NPL: variants seen among roughly 807,000 people sequenced by gnomAD.
The protein encoded by NPL is N-acetylneuraminate lyase.
In NPL, 32 loss-of-function variants were observed where a neutral mutation model predicts 41.1. The ratio of observed to expected loss-of-function variants is 0.78; its 90% CI spans 0.59 to 1.05. The LOEUF (loss-of-function observed/expected upper bound fraction) is 1.05. Ranked by LOEUF, NPL falls within the 50% of genes least tolerant of loss-of-function variation. The pLI is 0.00. For synonymous variants in NPL, 128 were observed against 134.9 expected, an observed-to-expected ratio of 0.95 and a Z score of 0.35; for missense variants, 321 against 378.4, an observed-to-expected ratio of 0.85 and a Z score of 1.26.
intron 11 of NPL, among the ~76,000 whole-genome samples, chr1:182,824,368 G>A (rs1210614592): frequency 2.0e-5 from 3 of 152,188 alleles, no homozygotes; most frequent in Non-Finnish European, 4.4e-5. Flanking sequence ...ATATATGTTT[G>A]TAAGTCTCTG....
chr1:182,807,149 A>C (rs545970816), intron 5 of NPL, among the ~76,000 whole-genome samples: 53 of 151,984 alleles, frequency 3.5e-4, no homozygotes, highest in Non-Finnish European at 4.9e-4. Flanking sequence ...ACTAAGTTTT[A>C]TTGATTTGTC....
At chr1:182,801,778 A>C (rs1266157020) in intron 3 of NPL, among the ~76,000 whole-genome samples, 1 of 152,152 alleles carries the variant, frequency 6.6e-6, no homozygotes, top group Non-Finnish European at 1.5e-5. Flanking sequence ...CAAGGCTTGC[A>C]GTGAGCCACG....
intron 5 of NPL, chr1:182,809,085 T>C (rs1211846484): frequency 1.4e-5 from 4 of 279,532 alleles, no homozygotes; most frequent in Non-Finnish European, 2.9e-5. Flanking sequence ...TCCTGATGGA[T>C]TGATCAGAAA....
chr1:182,806,418 GA>G, intron 5 of NPL, 186 bp downstream of exon 5: 1 of 1,538,948 alleles, frequency 6.5e-7, no homozygotes, highest in Non-Finnish European at 8.7e-7. Flanking sequence ...TTTCTGTGCA[GA>G]AGGGCAGCCA....
At chr1:182,808,939 G>A (rs1667098581) in intron 5 of NPL, among the ~76,000 whole-genome samples, 1 of 143,876 alleles carries the variant, frequency 7.0e-6, no homozygotes, top group Admixed American at 7.0e-5. Context: ...CAGCCTGGGT[G>A]AAAGAGCAAA....
At chr1:182,801,113 T>C (rs1666835205) in intron 3 of NPL, among the ~76,000 whole-genome samples, 1 of 152,166 alleles carries the variant, frequency 6.6e-6, no homozygotes, top group Non-Finnish European at 1.5e-5. Context: ...GTCAAACATA[T>C]TTAGAGTTAG....
chr1:182,807,767 T>C (rs1475769748), intron 5 of NPL, among the ~76,000 whole-genome samples: 2 of 149,382 alleles, frequency 1.3e-5, no homozygotes, highest in African/African-American at 4.9e-5. Context: ...GGCGGGCTCC[T>C]GTAGTCCCAG....
intron 3 of NPL, among the ~76,000 whole-genome samples, chr1:182,800,754 G>A (rs1039113460): frequency 1.7e-5 from 2 of 121,072 alleles, no homozygotes; most frequent in African/African-American, 3.3e-5. Flanking sequence ...TTTTGAGACC[G>A]AGTCTCGCTC....
chr1:182,813,178 A>T (rs982618512), intron 6 of NPL, among the ~76,000 whole-genome samples: 12 of 151,248 alleles, frequency 7.9e-5, no homozygotes, highest in Admixed American at 7.2e-4. Flanking sequence ...AAGCACAAAG[A>T]TGTTTAAAAT....
intron 7 of NPL, among the ~76,000 whole-genome samples, chr1:182,815,815 C>T (rs1020618954): frequency 6.6e-6 from 1 of 152,094 alleles, no homozygotes; most frequent in Admixed American, 6.5e-5. Context: ...GTATGTTGCC[C>T]AGGATGATCT....
At chr1:182,825,970 C>T in intron 12 of NPL, 150 bp downstream of exon 12, 1 of 741,646 alleles carries the variant, frequency 1.3e-6, no homozygotes, top group Non-Finnish European at 2.4e-6. Context: ...TCGGGGCCAA[C>T]CATATAAAAC....
In NPL at chr1:182,828,962, G is replaced by C; in HGVS notation, c.*54G>C. On this transcript the variant is annotated 3_prime_UTR_variant, in exon 13 of 13. Transcript: ENST00000367553. This position sits in a 1 kb window ranked among gnomAD's most constrained non-coding sequence, Gnocchi z 4.0. ...CTTGAGACATAATCTACCTTAAATA[G>C]TGCATTTTTTTCTCAGGGAATTTTA... 1.9e-6 allele frequency: 3 copies of C among 1,607,828 alleles called. No homozygotes were observed. The highest frequency in any genetic ancestry group is 2.5e-6 in the Non-Finnish European group (3 of 1,179,082).
chr1:182,824,521 G>A (rs907190848), intron 11 of NPL, among the ~76,000 whole-genome samples: 4 of 152,094 alleles, frequency 2.6e-5, no homozygotes, highest in African/African-American at 9.7e-5. Context: ...TCTAAGGCCG[G>A]GCACGGTGGC....
chr1:182,802,788 T>C (rs914505126), intron 3 of NPL, among the ~76,000 whole-genome samples: 1 of 152,230 alleles, frequency 6.6e-6, no homozygotes, highest in Non-Finnish European at 1.5e-5. Flanking sequence ...TTAAGAGATC[T>C]TAACCTTAAG....
At chr1:182,809,539 T>TAA (rs35178861) in intron 5 of NPL, among the ~76,000 whole-genome samples, 145 of 125,514 alleles carry the variant, frequency 1.2e-3, no homozygotes, top group African/African-American at 3.6e-3. Flanking sequence ...GACTCCATCT[T>TAA]AAAAAAAAAA....
At chr1:182,825,859 G>C in intron 12 of NPL, 39 bp downstream of exon 12, 1 of 1,491,940 alleles carries the variant, frequency 6.7e-7, no homozygotes, top group Non-Finnish European at 9.3e-7. Flanking sequence ...TGCTGCTGGA[G>C]ACTGTAAAGA....
At chr1:182,814,151 C>T (rs1667259059) in intron 6 of NPL, among the ~76,000 whole-genome samples, 1 of 152,194 alleles carries the variant, frequency 6.6e-6, no homozygotes. Context: ...GATCTGAGCC[C>T]TGCCCTGAGG....
chr1:182,825,521 T>G (rs1667608886), intron 11 of NPL, among the ~76,000 whole-genome samples: 1 of 152,192 alleles, frequency 6.6e-6, no homozygotes, highest in African/African-American at 2.4e-5. Flanking sequence ...ATTCCCATCT[T>G]TACTCTCTTG....
chr1:182,811,130 T>C (rs559838528), intron 5 of NPL, among the ~76,000 whole-genome samples: 1 of 152,338 alleles, frequency 6.6e-6, no homozygotes, highest in East Asian at 1.9e-4. Flanking sequence ...TGCAATATCA[T>C]TTACTTACAA....
Sources: gnomAD v4.1 joint callset for allele counts (sites outside exome capture counted in the v4.1 genomes callset) on GRCh38, gnomAD v4.1.1 for gene constraint, Gnocchi (gnomAD v3.1) non-coding constraint, MANE v1.5 for transcripts, NCBI Gene and HGNC (gene_info 2026-07-23, HGNC 2026-07-21) for gene names.